Variants in IDE observed in about 807,000 individuals in gnomAD.
IDE encodes the protein insulin-degrading enzyme.
Under a neutral mutation model 133.2 loss-of-function variants are expected in IDE, and 58 were observed. The observed-to-expected ratio is 0.44, with a 90% CI of 0.35 to 0.54. IDE has a LOEUF of 0.54. IDE is among the 20% of genes least tolerant of loss of function. The probability of loss-of-function intolerance (pLI) is 0.00; values close to 1 mark genes in which losing one functional copy is unlikely to be tolerated. For missense variants in IDE, 981 were observed against 1,234.0 expected (o/e 0.79, Z 3.07); for synonymous variants, 396 against 421.3 (o/e 0.94, Z 0.73).
intron 11 of IDE, among the ~76,000 whole-genome samples, chr10:92,493,017 T>C (rs903108608): frequency 2.6e-5 from 4 of 152,188 alleles, no homozygotes; most frequent in African/African-American, 9.7e-5. Flanking sequence ...CTACCAGTTC[T>C]AGAAAACATG....
rs1185066325 is a variant in IDE at position 92,508,109 on chromosome 10, T to G, written c.1153+4A>C. 6.3e-7 allele frequency: 1 copy of G among 1,598,286 alleles called. No individual in the cohort carries two copies. The highest frequency in any genetic ancestry group is 8.6e-7 in the Non-Finnish European group (1 of 1,168,634). On this transcript the variant is annotated splice_donor_region_variant and intron_variant, in intron 8 of 24. Transcript: ENST00000265986. ...CAAAAGTAAAAAGGTGAATCAATACTTACATAATCCTTCCTCGGTCAAGTC... is the reference window on the plus strand; with the variant it reads ...CAAAAGTAAAAAGGTGAATCAATACGTACATAATCCTTCCTCGGTCAAGTC...
intron 1 of IDE, among the ~76,000 whole-genome samples, chr10:92,557,838 G>A (rs1440986495): frequency 3.1e-5 from 4 of 131,060 alleles, no homozygotes; most frequent in South Asian, 2.4e-4. Flanking sequence ...TGCAGTCACT[G>A]CACTACAACC....
At chr10:92,511,101 A>ATT (rs1848603577) in intron 5 of IDE, among the ~76,000 whole-genome samples, 1 of 132,436 alleles carries the variant, frequency 7.6e-6, no homozygotes, top group Non-Finnish European at 1.6e-5. Flanking sequence ...AAAAAAAAAA[A>ATT]CTTTTTTTTT....
intron 17 of IDE, 170 bp downstream of exon 17, chr10:92,474,671 C>A: frequency 1.8e-6 from 1 of 551,708 alleles, no homozygotes; most frequent in Non-Finnish European, 3.2e-6. Context: ...GTATATGTTA[C>A]TGTTAACTAT....
chr10:92,531,920 A>G lies in IDE; in HGVS notation c.492-3T>C. The G allele has an allele frequency of 1.3e-6, 2 of 1,513,878 alleles. No homozygotes were observed. The highest frequency in any genetic ancestry group is 8.9e-7 in the Non-Finnish European group (1 of 1,122,892). The allele number at this position is 1,513,878 out of a possible 1,614,324, so 93.8% of individuals were successfully genotyped here. On this transcript the variant is annotated splice_region_variant and splice_polypyrimidine_tract_variant and intron_variant, in intron 3 of 24. Transcript: ENST00000265986. The stretch of plus-strand genomic sequence containing the variant: ...GGCACAGAAAAAACTGTGCAAACCT[A>G]AGGGTACGAAACATAATTAAAACTT...
chr10:92,466,073 CAGA>C (rs887471654), intron 19 of IDE, among the ~76,000 whole-genome samples: 119 of 152,006 alleles, frequency 7.8e-4, no homozygotes, highest in African/African-American at 2.7e-3. Flanking sequence ...TCCCTCTCAT[CAGA>C]AGGAGGGGAG....
At position 92,574,026 on chromosome 10, in the gene IDE, G is replaced by C. The variant is rs1195239153; in HGVS notation, c.-7C>G. ...ACGCTAGCCGGTACCGCATTAGCCA[G>C]CGCAGTCGCCGGGATCACCGCAAAC... On this transcript the variant is annotated 5_prime_UTR_variant, in exon 1 of 25. Coordinates refer to ENST00000265986, the MANE Select transcript of IDE (RefSeq NM_004969.4). The C allele has an allele frequency of 1.3e-6, 2 of 1,509,344 alleles. No individual in the cohort carries two copies. Among genetic ancestry groups the C allele is most frequent in the East Asian group, 2.7e-5 (1 of 36,424 alleles). 93.5% of individuals were successfully genotyped at this position (1,509,344 alleles called of 1,614,324 possible).
intron 11 of IDE, among the ~76,000 whole-genome samples, chr10:92,496,383 C>T (rs1847703058): frequency 6.6e-6 from 1 of 152,214 alleles, no homozygotes; most frequent in Non-Finnish European, 1.5e-5. Flanking sequence ...GGCAGGACTA[C>T]TCCTCTCTTA....
rs1844854710 is a variant in IDE at position 92,453,857 on chromosome 10, G to T, written c.*587C>A. 6.6e-6 allele frequency: 1 copy of T among 152,130 alleles called. No individual in the cohort carries two copies. Among genetic ancestry groups the T allele is most frequent in the Non-Finnish European group, 1.5e-5 (1 of 68,040 alleles). 9.4% of individuals were successfully genotyped at this position (152,130 alleles called of 1,614,324 possible). A position where few individuals can be genotyped will look rare whatever the true frequency, so the allele number is the denominator to read the frequency against. ...AGTAGGGTTTTCTAGCATTTTACGA[G>T]TTGGCATAAAAAACATGTTCAAATT... On this transcript the variant is annotated 3_prime_UTR_variant, in exon 25 of 25. Transcript: ENST00000265986.
chr10:92,456,218 C>T, intron 23 of IDE, 141 bp downstream of exon 23: 1 of 659,832 alleles, frequency 1.5e-6, no homozygotes, highest in Non-Finnish European at 2.7e-6. Context: ...TCTCTTTTCC[C>T]CTTATATCTG....
At chr10:92,465,627 A>G in intron 20 of IDE, 49 bp downstream of exon 20, 1 of 1,493,022 alleles carries the variant, frequency 6.7e-7, no homozygotes, top group Non-Finnish European at 9.3e-7. Context: ...CAGGGAAAAT[A>G]ATTCATCAAA....
chr10:92,497,489 T>C (rs1435293531), intron 11 of IDE, among the ~76,000 whole-genome samples: 1 of 152,228 alleles, frequency 6.6e-6, no homozygotes, highest in Non-Finnish European at 1.5e-5. Context: ...ACCTTGGATT[T>C]TGATATCCAT....
intron 1 of IDE, among the ~76,000 whole-genome samples, chr10:92,546,641 G>C (rs1210352516): frequency 6.6e-6 from 1 of 152,102 alleles, no homozygotes; most frequent in African/African-American, 2.4e-5. Flanking sequence ...TGCTATCTTG[G>C]CCACAAGAAA....
rs531715132 is a variant in IDE, at chr10:92,572,238, A to G, written c.98+1684T>C. 9.3e-4 allele frequency among the ~76,000 whole-genome samples: 141 copies of G among 152,344 alleles called. 2 individuals are homozygous for G. The highest frequency in any genetic ancestry group is 3.3e-3 in the African/African-American group (136 of 41,578). On this transcript the variant is annotated intron_variant, in intron 1 of 24. Coordinates refer to ENST00000265986, the MANE Select transcript of IDE (RefSeq NM_004969.4). ...GCTATATGCTGGAGACAGTATGGAG[A>G]CAGCTAAGCCTAGCCTATCAGTAAT...
At chr10:92,530,709 A>C (rs545394401) in intron 4 of IDE, among the ~76,000 whole-genome samples, 1 of 152,334 alleles carries the variant, frequency 6.6e-6, no homozygotes, top group African/African-American at 2.4e-5. Context: ...CACACTATTC[A>C]TCTTGGCAAT....
intron 4 of IDE, among the ~76,000 whole-genome samples, chr10:92,517,221 A>G (rs1245914572): frequency 6.6e-6 from 1 of 152,228 alleles, no homozygotes; most frequent in African/African-American, 2.4e-5. Context: ...CTCAGTCTTT[A>G]GCTCAGTAGT....
intron 4 of IDE, among the ~76,000 whole-genome samples, chr10:92,518,438 G>A (rs1398214297): frequency 2.0e-5 from 3 of 152,138 alleles, no homozygotes; most frequent in Admixed American, 6.5e-5. Context: ...AAAGTCTTAC[G>A]ACACCAACTG....
intron 4 of IDE, among the ~76,000 whole-genome samples, chr10:92,520,623 A>T (rs1180248064): frequency 6.6e-6 from 1 of 152,224 alleles, no homozygotes; most frequent in African/African-American, 2.4e-5. Context: ...TTGCTATAGC[A>T]ATCTTCTAAA....
At chr10:92,573,056 A>C in intron 1 of IDE, 1 of 985,450 alleles carries the variant, frequency 1.0e-6, no homozygotes, top group African/African-American at 1.7e-5. Flanking sequence ...GATTAAAACC[A>C]GCAGGGGTTC....
Sources: gnomAD v4.1 joint callset for allele counts (sites outside exome capture counted in the v4.1 genomes callset) on GRCh38, gnomAD v4.1.1 for gene constraint, MANE v1.5 for transcripts, NCBI Gene and HGNC (gene_info 2026-07-23, HGNC 2026-07-21) for gene names.